Variants in PHLDB2 observed in about 807,000 individuals in gnomAD.
PHLDB2 encodes the protein pleckstrin homology like domain family B member 2, also known as pleckstrin homology-like domain family B member 2.
Under a neutral mutation model 123.6 loss-of-function variants are expected in PHLDB2, and 71 were observed. The ratio of observed to expected loss-of-function variants is 0.57; its 90% confidence interval spans 0.47 to 0.70. PHLDB2 has a LOEUF of 0.70. Among genes scored for constraint, PHLDB2 ranks in the 30% least tolerant of loss-of-function variants. The probability of loss-of-function intolerance (pLI) is 0.00; values close to 1 mark genes in which losing one functional copy is unlikely to be tolerated. For missense variants in PHLDB2, 1,446 were observed against 1,519.5 expected (o/e 0.95, Z 0.80); for synonymous variants, 547 against 541.6 (o/e 1.01, Z -0.14).
chr3:111,893,511 A>G lies in PHLDB2; in HGVS notation c.1335+8099A>G, dbSNP rs185578937. On this transcript the variant is annotated intron_variant, in intron 2 of 17. Coordinates refer to ENST00000431670, the MANE Select transcript of PHLDB2 (RefSeq NM_001134438.2). Reference sequence around the variant, plus strand: ...TGAGAAACAATGGCTCTCTTCCTATACTCTGAGCTAGAATGGCCATTGTCA... The same window carrying G: ...TGAGAAACAATGGCTCTCTTCCTATGCTCTGAGCTAGAATGGCCATTGTCA... 2.6e-5 allele frequency among the ~76,000 whole-genome samples: 4 copies of G among 152,258 alleles called. No individual in the cohort carries two copies. In the East Asian group the frequency reaches 5.8e-4, roughly 22 times the overall value.
intron 1 of PHLDB2, among the ~76,000 whole-genome samples, chr3:111,796,140 T>A (rs970780271): frequency 6.6e-6 from 1 of 152,136 alleles, no homozygotes; most frequent in Non-Finnish European, 1.5e-5. Flanking sequence ...CTCAGGTGTC[T>A]GCCTGACTCG....
chr3:111,778,263 CAT>C (rs1327288055), intron 1 of PHLDB2: 1 of 151,890 alleles, frequency 6.6e-6, no homozygotes, highest in Non-Finnish European at 1.5e-5. Context: ...ATGTCCTTAT[CAT>C]AGGGAAATGT....
In PHLDB2 at chr3:111,883,967, C is replaced by A. The variant is rs981681521; in HGVS notation, c.-14-97C>A. On this transcript the variant is annotated intron_variant, in intron 1 of 17. Coordinates refer to ENST00000431670, the MANE Select transcript of PHLDB2 (RefSeq NM_001134438.2). The stretch of plus-strand genomic sequence containing the variant: ...TTTGTGTTTGTTAGTTGCATTAGGT[C>A]AGACTGCAAGATTGTTTGTTCAGAT... 2.0e-5 allele frequency: 24 copies of A among 1,176,928 alleles called. No individual in the cohort carries two copies. The African/African-American group carries it at 3.4e-4, about 17-fold the overall frequency. 72.9% of individuals were successfully genotyped at this position (1,176,928 alleles called of 1,614,324 possible).
intron 1 of PHLDB2, among the ~76,000 whole-genome samples, chr3:111,878,960 T>A (rs2065799902): frequency 6.6e-6 from 1 of 152,234 alleles, no homozygotes; most frequent in Non-Finnish European, 1.5e-5. Context: ...TTTCCAGTAT[T>A]TTATTGAAGA....
chr3:111,973,085 G>T (rs1353652094), intron 16 of PHLDB2, among the ~76,000 whole-genome samples: 2 of 152,176 alleles, frequency 1.3e-5, no homozygotes, highest in East Asian at 3.8e-4. Flanking sequence ...GAACTTAGTA[G>T]ATCACAGAGT....
chr3:111,837,580 G>A (rs994348722), intron 1 of PHLDB2, among the ~76,000 whole-genome samples: 5 of 152,156 alleles, frequency 3.3e-5, no homozygotes, highest in African/African-American at 1.2e-4. Flanking sequence ...ATGTCCCATG[G>A]CTTGCTAAGG....
chr3:111,739,646 T>C (rs1001779282), intron 1 of PHLDB2, among the ~76,000 whole-genome samples: 8 of 147,750 alleles, frequency 5.4e-5, no homozygotes, highest in Non-Finnish European at 1.0e-4. Context: ...TTGAGTCTGC[T>C]CTGAATCCTG....
chr3:111,837,755 G>A (rs2108529914), intron 1 of PHLDB2, among the ~76,000 whole-genome samples: 1 of 152,204 alleles, frequency 6.6e-6, no homozygotes, highest in Middle Eastern at 3.4e-3. Flanking sequence ...ACATATTACT[G>A]AACCTGGCCG....
chr3:111,971,027 G>A (rs1395672231), intron 16 of PHLDB2, among the ~76,000 whole-genome samples: 2 of 152,140 alleles, frequency 1.3e-5, no homozygotes, highest in African/African-American at 4.8e-5. Context: ...TTTGGGTGAG[G>A]TTCCAGTTAC....
chr3:111,831,502 G>A (rs951187907), intron 1 of PHLDB2, among the ~76,000 whole-genome samples: 5 of 152,152 alleles, frequency 3.3e-5, no homozygotes, highest in Admixed American at 6.5e-5. Flanking sequence ...ATCTGGAGAA[G>A]CAATCAGTAA....
At chr3:111,821,602 T>A (rs897741680) in intron 1 of PHLDB2, among the ~76,000 whole-genome samples, 5 of 152,062 alleles carry the variant, frequency 3.3e-5, no homozygotes, top group Non-Finnish European at 7.4e-5. Flanking sequence ...AATATGGAGG[T>A]AAACTGCTTT....
At chr3:111,855,620 T>G (rs1395346326), upstream of PHLDB2, among the ~76,000 whole-genome samples, 2 of 143,698 alleles carry the variant, frequency 1.4e-5, no homozygotes, top group Non-Finnish European at 3.0e-5. Context: ...TGTTGAGGTC[T>G]GCATTTGTCT....
chr3:111,898,824 C>A (rs2067028249), intron 2 of PHLDB2, among the ~76,000 whole-genome samples: 1 of 152,206 alleles, frequency 6.6e-6, no homozygotes, highest in Admixed American at 6.5e-5. Flanking sequence ...TTCACATCTT[C>A]AGGTTCCACA....
At chr3:111,784,582 A>G (rs2060610166) in intron 1 of PHLDB2, among the ~76,000 whole-genome samples, 1 of 152,192 alleles carries the variant, frequency 6.6e-6, no homozygotes, top group Non-Finnish European at 1.5e-5. Flanking sequence ...GATTGTGTTT[A>G]GTCACTGGGA....
At chr3:111,875,964 G>T (rs887906591) in intron 1 of PHLDB2, among the ~76,000 whole-genome samples, 2 of 151,902 alleles carry the variant, frequency 1.3e-5, no homozygotes, top group Admixed American at 1.3e-4. Flanking sequence ...TAGAAAATAT[G>T]AACTAGTATG....
chr3:111,951,157 G>A (rs2070690407), intron 10 of PHLDB2, among the ~76,000 whole-genome samples: 1 of 152,128 alleles, frequency 6.6e-6, no homozygotes, highest in Non-Finnish European at 1.5e-5. Context: ...TATCTACAAG[G>A]AGCATTAATC....
chr3:111,834,214 AGAAT>A (rs2063260714), intron 1 of PHLDB2, among the ~76,000 whole-genome samples: 3 of 38,120 alleles, frequency 7.9e-5, no homozygotes, highest in Non-Finnish European at 1.4e-4. Flanking sequence ...TATATGTAAT[AGAAT>A]TATATATATA....
At chr3:111,818,827 T>C (rs760093897) in intron 1 of PHLDB2, among the ~76,000 whole-genome samples, 6 of 152,144 alleles carry the variant, frequency 3.9e-5, no homozygotes, top group Non-Finnish European at 5.9e-5. Context: ...TTGGTCACTA[T>C]ACTAGATGCC....
intron 16 of PHLDB2, among the ~76,000 whole-genome samples, chr3:111,972,011 C>T (rs1305014378): frequency 1.3e-5 from 2 of 152,200 alleles, no homozygotes; most frequent in African/African-American, 2.4e-5. Context: ...TGCTTCTCTT[C>T]GCTCATAATG....
Sources: gnomAD v4.1 joint callset for allele counts (sites outside exome capture counted in the v4.1 genomes callset) on GRCh38, gnomAD v4.1.1 for gene constraint, MANE v1.5 for transcripts, NCBI Gene and HGNC (gene_info 2026-07-23, HGNC 2026-07-21) for gene names.